The following DSG4 variants were observed in gnomAD, a reference collection of about 807,000 sequenced individuals.
The protein encoded by DSG4 is desmoglein 4.
A neutral mutation model predicts 93.1 loss-of-function variants in DSG4; 87 were observed. The observed-to-expected ratio is 0.93, with a 90% CI of 0.79 to 1.12. DSG4 has a LOEUF of 1.12. Among genes scored for constraint, DSG4 ranks in the 50% most tolerant of loss-of-function variants. The pLI is 0.00. For synonymous variants in DSG4, 432 were observed against 452.9 expected (o/e 0.95, Z 0.59); for missense variants, 1,373 against 1,285.7 (o/e 1.07, Z -1.04).
intron 2 of DSG4, 131 bp from the exon 3 acceptor site, chr18:31,386,557 T>G: frequency 7.1e-7 from 1 of 1,401,018 alleles, no homozygotes; most frequent in Non-Finnish European, 9.9e-7. Flanking sequence ...TGTGAATTGG[T>G]GAAAACATTC....
Position 31,407,439 on chromosome 18 carries a change from T to C in DSG4, c.1933+1066T>C, listed in dbSNP as rs200147239. 4.6e-5 allele frequency among the ~76,000 whole-genome samples: 7 copies of C among 151,936 alleles called. No individual in the cohort carries two copies. The East Asian group carries it at 1.4e-3, about 29-fold the overall frequency. ...GTGGAAAGATCACCAAACAAAAATTTCCCAAAAAGGGCCCTCCTTTCCCCA... is the reference window on the plus strand; with the variant it reads ...GTGGAAAGATCACCAAACAAAAATTCCCCAAAAAGGGCCCTCCTTTCCCCA... On this transcript the variant is annotated intron_variant, in intron 12 of 15. Coordinates refer to ENST00000308128, the MANE Select transcript of DSG4 (RefSeq NM_177986.5).
chr18:31,399,265 A>G lies in DSG4; in HGVS notation c.1006-7A>G, dbSNP rs1282592428. On this transcript the variant is annotated splice_polypyrimidine_tract_variant and splice_region_variant and intron_variant, in intron 8 of 15. Coordinates refer to ENST00000308128, the MANE Select transcript of DSG4 (RefSeq NM_177986.5). ...GTTTCAGAGTTTTTTATTTTCTTTC[A>G]TTTCAGATGCTGGATTATGAACAAG... is the stretch of plus-strand genomic sequence containing the variant. The G allele has an allele frequency of 6.2e-7, 1 of 1,613,496 alleles. No individual in the cohort carries two copies. Among genetic ancestry groups the G allele is most frequent in the Non-Finnish European group, 8.5e-7 (1 of 1,179,840 alleles).
chr18:31,406,478 T>G (rs2072429020), intron 12 of DSG4, 105 bp downstream of exon 12: 1 of 1,402,454 alleles, frequency 7.1e-7, no homozygotes, highest in Non-Finnish European at 9.9e-7. Context: ...TTTTGGTATC[T>G]CTAGCAATTT....
At chr18:31,397,461 A>G (rs2072317902) in intron 8 of DSG4, among the ~76,000 whole-genome samples, 1 of 152,204 alleles carries the variant, frequency 6.6e-6, no homozygotes, top group Non-Finnish European at 1.5e-5. Context: ...ACACAATCAG[A>G]AAATCCTGAC....
chr18:31,402,023 A>G (rs2072373568), intron 10 of DSG4, among the ~76,000 whole-genome samples: 1 of 152,234 alleles, frequency 6.6e-6, no homozygotes, highest in Non-Finnish European at 1.5e-5. Context: ...TAATTTGAAA[A>G]TGGATTCTAA....
intron 8 of DSG4, among the ~76,000 whole-genome samples, chr18:31,395,424 CA>C (rs1469729626): frequency 6.6e-6 from 1 of 151,906 alleles, no homozygotes; most frequent in Non-Finnish European, 1.5e-5. Context: ...TTAAAAATAC[CA>C]AAGTAATGGA....
In DSG4 at chr18:31,411,313, A is replaced by C. The variant is rs1281169903; in HGVS notation, c.2220A>C (p.Thr740=). The change falls in exon 15 of 16, where the codon ACA becomes ACC. Residue 740 remains threonine (T), a synonymous_variant. Transcript: ENST00000308128. Reference sequence around the variant, plus strand: ...TGGAGCTCAACACAGGTATGGGGACAGCCGTTGGCCTCATGGCCGCAGGGG... The same window carrying C: ...TGGAGCTCAACACAGGTATGGGGACCGCCGTTGGCCTCATGGCCGCAGGGG... ...SGVELNTGMG[T]AVGLMAAGAA... 12 of 1,614,072 alleles carry C rather than the reference A, an allele frequency of 7.4e-6. No individual in the cohort carries two copies. Among genetic ancestry groups the C allele is most frequent in the Non-Finnish European group, 1.0e-5 (12 of 1,180,040 alleles).
At chr18:31,403,381 A>G (rs1222758238) in intron 10 of DSG4, 35 bp from the exon 11 acceptor site, 1 of 1,554,224 alleles carries the variant, frequency 6.4e-7, no homozygotes, top group East Asian at 2.3e-5. Flanking sequence ...CCCTAACACC[A>G]TTTACCTCAA....
chr18:31,381,399 A>G (rs1371287279), intron 1 of DSG4, among the ~76,000 whole-genome samples: 1 of 152,290 alleles, frequency 6.6e-6, no homozygotes, highest in East Asian at 1.9e-4. Context: ...AAAAATGTTC[A>G]TGGGATAAAT....
At chr18:31,383,276 G>A (rs2072155043) in intron 1 of DSG4, among the ~76,000 whole-genome samples, 1 of 152,156 alleles carries the variant, frequency 6.6e-6, no homozygotes, top group African/African-American at 2.4e-5. Context: ...CCTGTCTCAA[G>A]AAATTTGTGA....
Position 31,388,389 on chromosome 18 carries a change from A to G in DSG4, c.239A>G (p.Asn80Ser). 6.2e-7 allele frequency: 1 copy of G among 1,613,394 alleles called. No homozygotes were observed. The highest frequency in any genetic ancestry group is 8.5e-7 in the Non-Finnish European group (1 of 1,179,532). ...IAKIRSDCES[N>S]QKITYRISGV... ...TAGATTCGATCAGACTGCGAATCGA[A>G]CCAGAAGATAACATACCGGATTTCT... The change falls in exon 4 of 16, where the codon AAC becomes AGC. Residue 80 changes from asparagine to serine, a missense_variant. Coordinates refer to ENST00000308128, the MANE Select transcript of DSG4 (RefSeq NM_177986.5).
intron 1 of DSG4, 68 bp downstream of exon 1, chr18:31,377,027 C>A: frequency 1.3e-6 from 2 of 1,520,498 alleles, no homozygotes; most frequent in Non-Finnish European, 1.8e-6. Flanking sequence ...AACTGTCGGG[C>A]TTTCTACATG....
In DSG4 at chr18:31,413,402, T is replaced by C. The variant is rs2072520160; in HGVS notation, c.2930T>C (p.Met977Thr). ...CTGGCTAGTCCTGGTGTGCCTGACA[T>C]GAGCAATAGTAGCACGACTGAGGGT... is the stretch of plus-strand genomic sequence containing the variant. ...RVLASPGVPD[M>T]SNSSTTEGCM... The change falls in exon 16 of 16, where the codon ATG becomes ACG. Residue 977 changes from methionine (M) to threonine (T), a missense_variant. Transcript: ENST00000308128. 1 of 1,613,890 alleles carries C rather than the reference T, an allele frequency of 6.2e-7. No individual in the cohort carries two copies.
intron 5 of DSG4, 39 bp downstream of exon 5, chr18:31,389,057 T>C (rs1323023896): frequency 1.2e-6 from 2 of 1,608,252 alleles, no homozygotes; most frequent in African/African-American, 1.3e-5. Context: ...TCACAGCATA[T>C]CTACTTCTCT....
rs541129834 is a variant in DSG4 at position 31,393,821 on chromosome 18, C to T, written c.1005+1481C>T. Among the ~76,000 whole-genome samples the T allele has an allele frequency of 7.2e-5, 11 of 152,146 alleles. 1 individual carries two copies. Among genetic ancestry groups the T allele is most frequent in the African/African-American group, 2.7e-4 (11 of 41,430 alleles). On this transcript the variant is annotated intron_variant, in intron 8 of 15. Transcript: ENST00000308128. ...AAGTATCTGAGCAATTTTAGTATTA[C>T]TACTTTACCACCAAAGCACAACCAT...
chr18:31,378,068 C>A (rs2072096260), intron 1 of DSG4, among the ~76,000 whole-genome samples: 1 of 152,156 alleles, frequency 6.6e-6, no homozygotes, highest in Non-Finnish European at 1.5e-5. Context: ...AGTGCGGGAG[C>A]CGAACACTGC....
At chr18:31,388,779 A>T (rs1427436032) in intron 4 of DSG4, 95 bp from the exon 5 acceptor site, 1 of 1,586,636 alleles carries the variant, frequency 6.3e-7, no homozygotes, top group Admixed American at 1.7e-5. Flanking sequence ...TTCACTGGAA[A>T]AAATTGTTTC....
At chr18:31,383,750 G>A (rs757611524) in intron 1 of DSG4, among the ~76,000 whole-genome samples, 10 of 152,040 alleles carry the variant, frequency 6.6e-5, no homozygotes, top group Non-Finnish European at 1.2e-4. Context: ...CATGGCAAAC[G>A]TTATTCTGTT....
At chr18:31,385,093 A>C in intron 1 of DSG4, 43 bp from the exon 2 acceptor site, 2 of 1,553,744 alleles carry the variant, frequency 1.3e-6, no homozygotes, top group Non-Finnish European at 1.8e-6. Context: ...CTTCCTCTAA[A>C]TTATGCAAAT....
Sources: gnomAD v4.1 joint callset for allele counts (sites outside exome capture counted in the v4.1 genomes callset) on GRCh38, gnomAD v4.1.1 for gene constraint, MANE v1.5 for transcripts, NCBI Gene and HGNC (gene_info 2026-07-23, HGNC 2026-07-21) for gene names.